The following DOCK5 variants were observed in gnomAD, a reference collection of about 807,000 sequenced individuals.
DOCK5 encodes the protein dedicator of cytokinesis 5.
DOCK5 carries 142 observed loss-of-function variants against 251.8 expected under a neutral mutation model. That is an observed-to-expected ratio of 0.56 (90% confidence interval 0.49 to 0.65). DOCK5 has a LOEUF of 0.65. Ranked by LOEUF, DOCK5 falls within the 30% of genes least tolerant of loss-of-function variation. The pLI is 0.00. For missense variants in DOCK5, 2,111 were observed against 2,312.3 expected, an observed-to-expected ratio of 0.91 and a Z score of 1.79; for synonymous variants, 842 against 835.5, an observed-to-expected ratio of 1.01 and a Z score of -0.13.
At position 25,296,455 on chromosome 8, in the gene DOCK5, C is replaced by T. The variant is rs527949746; in HGVS notation, c.471-58C>T. ...CCTCTGGGCTCCTTGACAAGGACTC[C>T]TCAGTAAAAAGTCTGCCCCTGGTGA... is the stretch of plus-strand genomic sequence containing the variant. On this transcript the variant is annotated intron_variant, in intron 6 of 51. Coordinates refer to ENST00000276440, the MANE Select transcript of DOCK5 (RefSeq NM_024940.8). 7.0e-6 allele frequency: 11 copies of T among 1,568,082 alleles called. No homozygotes were observed. The South Asian group carries it at 9.4e-5, about 13-fold the overall frequency.
chr8:25,401,100 TCTAGG>T (rs1801431877), intron 47 of DOCK5, 34 bp downstream of exon 47: 1 of 1,609,294 alleles, frequency 6.2e-7, no homozygotes, highest in Non-Finnish European at 8.5e-7. Context: ...CACACCTTTT[TCTAGG>T]CTCTGTGACC....
intron 48 of DOCK5, among the ~76,000 whole-genome samples, chr8:25,407,575 A>G (rs1359092860): frequency 2.0e-5 from 3 of 152,160 alleles, no homozygotes; most frequent in African/African-American, 4.8e-5. Flanking sequence ...TCATAGGTCA[A>G]GAGTAGGTTG....
intron 2 of DOCK5, among the ~76,000 whole-genome samples, chr8:25,264,723 A>G (rs904522222): frequency 1.3e-5 from 2 of 151,750 alleles, no homozygotes; most frequent in African/African-American, 4.9e-5. Context: ...GCTACTGAGA[A>G]GGATGAACCA....
chr8:25,298,217 A>G (rs1434432535), intron 7 of DOCK5, among the ~76,000 whole-genome samples: 8 of 152,038 alleles, frequency 5.3e-5, no homozygotes, highest in African/African-American at 1.9e-4. Context: ...CTTCTTTAGC[A>G]TGGTCATGAT....
intron 31 of DOCK5, among the ~76,000 whole-genome samples, chr8:25,367,768 C>T (rs1016642016): frequency 6.6e-5 from 10 of 152,112 alleles, no homozygotes; most frequent in African/African-American, 9.7e-5. Context: ...TTGAAAAACA[C>T]GCTAGAATGG....
At position 25,410,939 on chromosome 8, in the gene DOCK5, A is replaced by AATG. The variant is rs1554513012; in HGVS notation, c.5509-255_5509-254insATG. On this transcript the variant is annotated intron_variant, in intron 51 of 51. Transcript: ENST00000276440. ...TATGGCAGCGAGAGAGAGAGAGAAA[A>AATG]TGTGTGTGTGTGTGTGTGTGTGTGT... 1.4e-3 allele frequency among the ~76,000 whole-genome samples: 141 copies of AATG among 102,134 alleles called. 1 individual carries two copies. Among genetic ancestry groups the AATG allele is most frequent in the African/African-American group, 1.2e-3 (37 of 30,480 alleles). The allele number at this position is 102,134 out of a possible 152,430, so 67.0% of individuals were successfully genotyped here.
At chr8:25,201,526 T>C (rs1801877848) in intron 1 of DOCK5, among the ~76,000 whole-genome samples, 3 of 152,242 alleles carry the variant, frequency 2.0e-5, no homozygotes, top group Admixed American at 6.5e-5. Context: ...TTTAGAACGC[T>C]GATTACTACC....
At chr8:25,363,183 A>G (rs763689744) in intron 29 of DOCK5, 42 bp downstream of exon 29, 2 of 1,510,640 alleles carry the variant, frequency 1.3e-6, no homozygotes, top group South Asian at 2.3e-5. Context: ...TTGTCTGAAT[A>G]CCTAAGGCTG....
At chr8:25,200,040 TG>T (rs1801843260) in intron 1 of DOCK5, among the ~76,000 whole-genome samples, 1 of 152,250 alleles carries the variant, frequency 6.6e-6, no homozygotes, top group Non-Finnish European at 1.5e-5. Context: ...TTTCAATCAG[TG>T]GATACTGGAA....
intron 2 of DOCK5, among the ~76,000 whole-genome samples, chr8:25,262,616 A>G (rs1190660102): frequency 1.3e-5 from 2 of 152,200 alleles, no homozygotes; most frequent in East Asian, 3.8e-4. Context: ...GAAAAACAGG[A>G]GACCCTTCTT....
intron 38 of DOCK5, 93 bp from the exon 39 acceptor site, chr8:25,380,196 CAATCCCCCAGACCACT>C: frequency 4.4e-6 from 4 of 910,242 alleles, no homozygotes; most frequent in Non-Finnish European, 6.9e-6. Context: ...TACCGAAACT[CAATCCCCCAGACCACT>C]TGCTCATTCC....
intron 35 of DOCK5, 104 bp from the exon 36 acceptor site, chr8:25,373,514 G>A (rs1800911156): frequency 5.5e-6 from 6 of 1,093,470 alleles, no homozygotes; most frequent in Non-Finnish European, 6.7e-6. Flanking sequence ...TGATCTCTTT[G>A]GAAAAGTGAA....
At chr8:25,255,906 C>A (rs564444116) in intron 2 of DOCK5, among the ~76,000 whole-genome samples, 3 of 152,242 alleles carry the variant, frequency 2.0e-5, no homozygotes, top group Admixed American at 1.3e-4. Context: ...TAACTCTGTG[C>A]TTGAGTACAC....
chr8:25,344,320 T>C (rs893382871), intron 25 of DOCK5, among the ~76,000 whole-genome samples: 1 of 152,142 alleles, frequency 6.6e-6, no homozygotes, highest in African/African-American at 2.4e-5. Flanking sequence ...AACTCAAGAC[T>C]TGCTAGAGTG....
intron 38 of DOCK5, among the ~76,000 whole-genome samples, chr8:25,377,990 A>T (rs954547501): frequency 6.6e-6 from 1 of 150,846 alleles, no homozygotes; most frequent in Non-Finnish European, 1.5e-5. Flanking sequence ...GGCTCCAGTG[A>T]TCCTCCTGTA....
At chr8:25,380,264 C>T (rs1340268905) in intron 38 of DOCK5, 41 bp from the exon 39 acceptor site, 3 of 1,560,286 alleles carry the variant, frequency 1.9e-6, no homozygotes, top group Non-Finnish European at 2.6e-6. Flanking sequence ...TCAATGACTG[C>T]CTTGTTCTCC....
chr8:25,197,774 G>A (rs1242350488), intron 1 of DOCK5, among the ~76,000 whole-genome samples: 3 of 36,844 alleles, frequency 8.1e-5, no homozygotes, highest in Non-Finnish European at 2.4e-4. Flanking sequence ...TTTTTGAGAC[G>A]GAGTCTCGCT....
intron 2 of DOCK5, among the ~76,000 whole-genome samples, chr8:25,256,834 G>A (rs1394495960): frequency 2.0e-5 from 3 of 150,962 alleles, no homozygotes; most frequent in East Asian, 3.9e-4. Context: ...CATGTTTCTC[G>A]ATTATTCTAG....
At chr8:25,268,124 G>A (rs1490366674) in intron 2 of DOCK5, among the ~76,000 whole-genome samples, 2 of 151,970 alleles carry the variant, frequency 1.3e-5, no homozygotes, top group Admixed American at 6.6e-5. Context: ...GCCTCCCAAA[G>A]TGCTGGGATT....
Sources: gnomAD v4.1 joint callset for allele counts (sites outside exome capture counted in the v4.1 genomes callset) on GRCh38, gnomAD v4.1.1 for gene constraint, MANE v1.5 for transcripts, NCBI Gene and HGNC (gene_info 2026-07-23, HGNC 2026-07-21) for gene names.